The following HEMK2 variants were observed in gnomAD, a reference collection of about 807,000 sequenced individuals.
HEMK2 encodes HemK methyltransferase 2, ETF1 glutamine and histone H4 lysine.
the HEMK2 span, among the ~76,000 whole-genome samples, chr21:28,678,919 G>A: frequency 1.3e-4 from 20 of 152,214 alleles, no homozygotes; most frequent in African/African-American, 3.6e-4. Context: ...AGGAATAACC[G>A]GTACCAGTCA....
At chr21:28,596,485 C>A in the HEMK2 span, among the ~76,000 whole-genome samples, 1 of 152,150 alleles carries the variant, frequency 6.6e-6, no homozygotes, top group Non-Finnish European at 1.5e-5. Context: ...CTCCCTGAAT[C>A]TGACTATGAT....
chr21:28,579,775 A>G, the HEMK2 span, among the ~76,000 whole-genome samples: 1 of 152,196 alleles, frequency 6.6e-6, no homozygotes, highest in Non-Finnish European at 1.5e-5. Flanking sequence ...TTGCTCAGCA[A>G]TGTTGAAAAA....
chr21:28,781,362 A>C, the HEMK2 span, among the ~76,000 whole-genome samples: 1 of 152,176 alleles, frequency 6.6e-6, no homozygotes, highest in Non-Finnish European at 1.5e-5. Context: ...TCCCAGAAGG[A>C]TCATTGAGTA....
At chr21:28,843,552 C>G in the HEMK2 span, among the ~76,000 whole-genome samples, 1 of 152,112 alleles carries the variant, frequency 6.6e-6, no homozygotes, top group East Asian at 1.9e-4. Context: ...TCAGTAATAA[C>G]AAACTTCAAT....
chr21:28,797,449 AAAAAACAAAAAAC>A, the HEMK2 span, among the ~76,000 whole-genome samples: 1 of 146,892 alleles, frequency 6.8e-6, no homozygotes, highest in African/African-American at 2.7e-5. Context: ...AAACAAAAAA[AAAAAACAAAAAAC>A]AAACAAAAAA....
At chr21:28,694,465 C>T in the HEMK2 span, among the ~76,000 whole-genome samples, 2 of 152,180 alleles carry the variant, frequency 1.3e-5, no homozygotes, top group Non-Finnish European at 2.9e-5. Context: ...TAAAGCCTCC[C>T]TCCATCATTT....
the HEMK2 span, among the ~76,000 whole-genome samples, chr21:28,832,879 G>A: frequency 6.6e-6 from 1 of 152,232 alleles, no homozygotes; most frequent in African/African-American, 2.4e-5. Context: ...TATTTCTGGA[G>A]TAACACCCAT....
chr21:28,641,529 G>A, the HEMK2 span, among the ~76,000 whole-genome samples: 9 of 152,242 alleles, frequency 5.9e-5, 1 homozygote, highest in South Asian at 1.7e-3. Flanking sequence ...CCTAAACAAT[G>A]AGCATCTCAA....
chr21:28,662,102 TAAAC>T, the HEMK2 span, among the ~76,000 whole-genome samples: 2 of 148,056 alleles, frequency 1.4e-5, no homozygotes, highest in Non-Finnish European at 3.0e-5. Context: ...GGGAAGGAAA[TAAAC>T]AATCTGAAAT....
chr21:28,759,898 T>C, the HEMK2 span, among the ~76,000 whole-genome samples: 2 of 152,150 alleles, frequency 1.3e-5, no homozygotes, highest in East Asian at 1.9e-4. Context: ...CAGTCTCGGA[T>C]ATGTCTTTAT....
the HEMK2 span, among the ~76,000 whole-genome samples, chr21:28,838,972 A>AATATATATATATATATATATAT: frequency 5.5e-4 from 16 of 29,132 alleles, no homozygotes; most frequent in South Asian, 3.0e-3. Context: ...AAAAAAAAAA[A>AATATATATATATATATATATAT]ATATATATAT....
chr21:28,603,591 G>GTT, the HEMK2 span, among the ~76,000 whole-genome samples: 1 of 141,928 alleles, frequency 7.0e-6, no homozygotes, highest in Non-Finnish European at 1.6e-5. Context: ...GTGTGTGTGT[G>GTT]TGTTTTAGGT....
chr21:28,695,584 T>C, the HEMK2 span, among the ~76,000 whole-genome samples: 5 of 152,218 alleles, frequency 3.3e-5, no homozygotes, highest in South Asian at 1.0e-3. Context: ...ATGAGACTTA[T>C]TCACTACCAT....
At chr21:28,823,506 ATC>A in the HEMK2 span, among the ~76,000 whole-genome samples, 2 of 152,154 alleles carry the variant, frequency 1.3e-5, no homozygotes, top group African/African-American at 2.4e-5. Context: ...TTTACATGGA[ATC>A]TCTGTTTCCA....
chr21:28,723,636 G>A, the HEMK2 span, among the ~76,000 whole-genome samples: 3,878 of 152,180 alleles, frequency 0.025, 142 homozygotes, highest in African/African-American at 0.088. Context: ...TAAGACGTTG[G>A]CCACATTACC....
At chr21:28,690,271 G>A in the HEMK2 span, among the ~76,000 whole-genome samples, 1 of 152,134 alleles carries the variant, frequency 6.6e-6, no homozygotes, top group African/African-American at 2.4e-5. Flanking sequence ...CCATATCACT[G>A]AGGGAGCTCC....
chr21:28,603,630 G>A, the HEMK2 span, among the ~76,000 whole-genome samples: 1 of 148,024 alleles, frequency 6.8e-6, no homozygotes, highest in Non-Finnish European at 1.5e-5. Flanking sequence ...TAAAACCTTT[G>A]AATGCTCTAG....
chr21:28,872,352 C>T, the HEMK2 span: 1 of 152,192 alleles, frequency 6.6e-6, no homozygotes, highest in African/African-American at 2.4e-5. Flanking sequence ...CTCGTGGCTC[C>T]ACCCCATGTG....
the HEMK2 span, among the ~76,000 whole-genome samples, chr21:28,767,206 T>C: frequency 6.6e-6 from 1 of 152,012 alleles, no homozygotes; most frequent in Admixed American, 6.6e-5. Flanking sequence ...CTTTCCACCA[T>C]GATTGTGAGG....
Sources: gnomAD v4.1 joint callset for allele counts (sites outside exome capture counted in the v4.1 genomes callset) on GRCh38, gnomAD v4.1.1 for gene constraint, MANE v1.5 for transcripts, NCBI Gene and HGNC (gene_info 2026-07-23, HGNC 2026-07-21) for gene names.